SRRM4: variants seen among roughly 807,000 people sequenced by gnomAD.
SRRM4 encodes serine/arginine repetitive matrix protein 4.
In SRRM4, 33 loss-of-function variants were observed where a neutral mutation model predicts 68.9. The observed-to-expected ratio is 0.48, with a 90% CI of 0.36 to 0.64. The LOEUF is 0.64. Ranked by LOEUF, SRRM4 falls within the 30% of genes least tolerant of loss-of-function variation. SRRM4 has a pLI of 0.00. For synonymous variants in SRRM4, 318 were observed against 318.8 expected (o/e 1.00, Z 0.03); for missense variants, 817 against 827.1 (o/e 0.99, Z 0.15).
At chr12:119,034,727 C>T (rs575364676) in intron 1 of SRRM4, among the ~76,000 whole-genome samples, 1 of 152,220 alleles carries the variant, frequency 6.6e-6, no homozygotes, top group South Asian at 2.1e-4. Context: ...TGCAAAACGC[C>T]CTCTCTGAAT....
rs146403310 is a variant in SRRM4 at position 119,096,704 on chromosome 12, C to T, written c.132-5532C>T. 1.7e-3 allele frequency among the ~76,000 whole-genome samples: 259 copies of T among 152,306 alleles called. 1 individual carries two copies. Among genetic ancestry groups the T allele is most frequent in the African/African-American group, 5.5e-3 (230 of 41,558 alleles). On this transcript the variant is annotated intron_variant, in intron 1 of 12. Transcript: ENST00000267260. ...GGGCTGAGCTGGATCTGGGGTTCTT[C>T]CCGCTCCACCATTGTTGGTCTCTGA...
At chr12:119,003,704 C>G (rs573342108) in intron 1 of SRRM4, among the ~76,000 whole-genome samples, 1 of 152,070 alleles carries the variant, frequency 6.6e-6, no homozygotes, top group African/African-American at 2.4e-5. Context: ...CCCAGCTCCC[C>G]CAGGGGCTTG....
At chr12:119,071,462 A>G (rs960487260) in intron 1 of SRRM4, among the ~76,000 whole-genome samples, 6 of 152,180 alleles carry the variant, frequency 3.9e-5, no homozygotes, top group African/African-American at 1.4e-4. Flanking sequence ...AGCACACAGT[A>G]AACAGCTGCC....
At position 119,136,303 on chromosome 12, in the gene SRRM4, C is replaced by T. The variant is rs368250215; in HGVS notation, c.771+5469C>T. ...ATCTGGATGGCTCAGGCCTTCTGAC[C>T]CCTAGTCCAGGTGCTTGCACATTCT... On this transcript the variant is annotated intron_variant, in intron 8 of 12. Transcript: ENST00000267260. 5.9e-5 allele frequency among the ~76,000 whole-genome samples: 9 copies of T among 152,100 alleles called. No homozygotes were observed. In the East Asian group the frequency reaches 1.5e-3, roughly 26 times the overall value.
chr12:119,101,855 T>C (rs1467170958), intron 1 of SRRM4, among the ~76,000 whole-genome samples: 1 of 151,696 alleles, frequency 6.6e-6, no homozygotes, highest in Non-Finnish European at 1.5e-5. Context: ...CTAGTCCAAA[T>C]AGAATAAGCT....
intron 10 of SRRM4, 73 bp downstream of exon 10, chr12:119,151,293 G>T: frequency 7.3e-7 from 1 of 1,376,208 alleles, no homozygotes; most frequent in South Asian, 1.2e-5. Flanking sequence ...GATGTCCTTT[G>T]ACCCATGGGG....
At chr12:119,053,329 T>TA (rs1953756640) in intron 1 of SRRM4, among the ~76,000 whole-genome samples, 2 of 152,212 alleles carry the variant, frequency 1.3e-5, no homozygotes, top group Admixed American at 1.3e-4. Context: ...AGTTAAAAAG[T>TA]AAGCCAATTG....
chr12:119,049,443 T>C (rs1272064944), intron 1 of SRRM4, among the ~76,000 whole-genome samples: 1 of 152,226 alleles, frequency 6.6e-6, no homozygotes. Context: ...TTTTTCGTTA[T>C]TAGCAGGACT....
At chr12:119,059,829 A>C (rs11612183) in intron 1 of SRRM4, among the ~76,000 whole-genome samples, 5,694 of 152,294 alleles carry the variant, frequency 0.037, 192 homozygotes, top group East Asian at 0.12. Context: ...TTAGCCCAGG[A>C]CTATCTATCC....
At chr12:119,121,126 A>T (rs1447342399) in intron 5 of SRRM4, among the ~76,000 whole-genome samples, 2 of 152,214 alleles carry the variant, frequency 1.3e-5, no homozygotes, top group Admixed American at 6.5e-5. Flanking sequence ...GCAGCTAAGA[A>T]GCAGAGGCGG....
rs1315849576 is a variant in SRRM4 at position 119,029,486 on chromosome 12, C to A, written c.131+47473C>A. ...TCCATTCAACAACCAATGAGTCATTCAACAACCACTGAGGCATTCAACAAC... is the reference window on the plus strand; with the variant it reads ...TCCATTCAACAACCAATGAGTCATTAAACAACCACTGAGGCATTCAACAAC... On this transcript the variant is annotated intron_variant, in intron 1 of 12. Coordinates refer to ENST00000267260, the MANE Select transcript of SRRM4 (RefSeq NM_194286.4). Among the ~76,000 whole-genome samples the A allele has an allele frequency of 2.0e-5, 3 of 152,152 alleles. No individual in the cohort carries two copies. In the East Asian group the frequency reaches 5.8e-4, roughly 29 times the overall value.
At chr12:119,051,783 G>A (rs1029519758) in intron 1 of SRRM4, among the ~76,000 whole-genome samples, 1 of 152,194 alleles carries the variant, frequency 6.6e-6, no homozygotes, top group Non-Finnish European at 1.5e-5. Flanking sequence ...TCTTAGAGGA[G>A]CAAGCAACGA....
chr12:119,149,500 G>T (rs1180720660), intron 9 of SRRM4, among the ~76,000 whole-genome samples: 1 of 152,234 alleles, frequency 6.6e-6, no homozygotes, highest in African/African-American at 2.4e-5. Flanking sequence ...ATAAGACTAA[G>T]TAAGCCATAT....
intron 2 of SRRM4, chr12:119,114,074 C>T (rs1954161869): frequency 6.5e-6 from 3 of 463,686 alleles, no homozygotes; most frequent in African/African-American, 1.9e-5. Context: ...TAACGTACAA[C>T]GTCTGTCTCA....
chr12:119,007,294 C>T (rs1187672142), intron 1 of SRRM4, among the ~76,000 whole-genome samples: 1 of 152,164 alleles, frequency 6.6e-6, no homozygotes, highest in African/African-American at 2.4e-5. Context: ...TGTATTAATA[C>T]CAGTTTTATA....
chr12:119,154,039 G>A lies in SRRM4; in HGVS notation c.1392-204G>A, dbSNP rs185574680. 9.5e-3 allele frequency among the ~76,000 whole-genome samples: 1,437 copies of A among 151,846 alleles called. 27 individuals are homozygous for A. Among genetic ancestry groups the A allele is most frequent in the African/African-American group, 0.033 (1,358 of 41,354 alleles). On this transcript the variant is annotated intron_variant, in intron 11 of 12. Coordinates refer to ENST00000267260, the MANE Select transcript of SRRM4 (RefSeq NM_194286.4). This position sits in a 1 kb window ranked among gnomAD's most constrained non-coding sequence, Gnocchi z 4.7. ...ATGCTGACACCCCTGCACAAGCCCAGCCCCCACCCCTACGGTACTAACAAC... is the reference window on the plus strand; with the variant it reads ...ATGCTGACACCCCTGCACAAGCCCAACCCCCACCCCTACGGTACTAACAAC...
rs199620313 is a variant in SRRM4 at position 119,045,822 on chromosome 12, GAGGTC to G, written c.132-56410_132-56406del. On this transcript the variant is annotated intron_variant, in intron 1 of 12. Transcript: ENST00000267260. ...GGAGGCCAAGGTGGGCGGATCACCT[GAGGTC>G]AGGAGTTCAAGACCAGCCTGGCCAA... Among the ~76,000 whole-genome samples, 996 of 152,156 alleles carry G rather than the reference GAGGTC, an allele frequency of 6.5e-3. 7 individuals carry two copies. The highest frequency in any genetic ancestry group is 0.023 in the African/African-American group (961 of 41,506).
chr12:118,995,594 TCC>T (rs1953343974), intron 1 of SRRM4, among the ~76,000 whole-genome samples: 1 of 152,188 alleles, frequency 6.6e-6, no homozygotes, highest in Admixed American at 6.6e-5. Flanking sequence ...TAGAATGCTT[TCC>T]GGAAACAAGT....
In SRRM4 at chr12:119,075,692, A is replaced by G. The variant is rs547214119; in HGVS notation, c.132-26544A>G. Among the ~76,000 whole-genome samples the G allele has an allele frequency of 2.3e-3, 329 of 146,114 alleles. 2 individuals are homozygous for G. Among genetic ancestry groups the G allele is most frequent in the African/African-American group, 7.9e-3 (311 of 39,428 alleles). ...GATGATGATGGTGATGATGGTGATG[A>G]TGAAGATGGTGATGATGGTGATGTT... On this transcript the variant is annotated intron_variant, in intron 1 of 12. Transcript: ENST00000267260.
Sources: allele counts gnomAD v4.1 joint callset (sites outside exome capture counted in the v4.1 genomes callset), GRCh38; gene constraint gnomAD v4.1.1; non-coding constraint Gnocchi (gnomAD v3.1); transcripts MANE v1.5; gene names NCBI Gene and HGNC (gene_info 2026-07-23, HGNC 2026-07-21).